PTPRD: variants seen among roughly 807,000 people sequenced by gnomAD.
PTPRD encodes receptor-type tyrosine-protein phosphatase delta.
In PTPRD, 34 loss-of-function variants were observed where a neutral mutation model predicts 214.5. The observed-to-expected ratio is 0.16, with a 90% confidence interval of 0.12 to 0.21. The LOEUF is 0.21. Among genes scored for constraint, PTPRD ranks in the 10% least tolerant of loss-of-function variants. The probability of loss-of-function intolerance (pLI) is 1.00; values close to 1 mark genes in which losing one functional copy is unlikely to be tolerated. For synonymous variants in PTPRD, 1,128 were observed against 845.7 expected, an observed-to-expected ratio of 1.33 and a Z score of -5.79; for missense variants, 2,545 against 2,398.7, an observed-to-expected ratio of 1.06 and a Z score of -1.27.
chr9:9,906,379 T>C (rs2077572958), intron 5 of PTPRD, among the ~76,000 whole-genome samples: 1 of 151,952 alleles, frequency 6.6e-6, no homozygotes, highest in African/African-American at 2.4e-5. Context: ...TCGTTGTCTT[T>C]ATTTTATATA....
Position 8,832,408 on chromosome 9 carries a change from A to ATTT in PTPRD, c.-103-98463_-103-98462insAAA, listed in dbSNP as rs1555402610. 4.7e-3 allele frequency among the ~76,000 whole-genome samples: 294 copies of ATTT among 62,926 alleles called. 10 individuals carry two copies. The highest frequency in any genetic ancestry group is 0.018 in the Middle Eastern group (2 of 114). 41.3% of individuals were successfully genotyped at this position (62,926 alleles called of 152,430 possible). A position where few individuals can be genotyped will look rare whatever the true frequency, so the allele number is the denominator to read the frequency against. Reference sequence around the variant, plus strand: ...TGTAAAGCAAGGGGCAGCTAAAATCATCTTTTTTTTTTTTTTTTTTTGTCA... The same window carrying ATTT: ...TGTAAAGCAAGGGGCAGCTAAAATCATTTTCTTTTTTTTTTTTTTTTTTTGTCA... On this transcript the variant is annotated intron_variant, in intron 11 of 45. Coordinates refer to ENST00000381196, the MANE Select transcript of PTPRD (RefSeq NM_002839.4).
intron 9 of PTPRD, among the ~76,000 whole-genome samples, chr9:9,338,453 T>A (rs996359731): frequency 6.6e-6 from 1 of 152,210 alleles, no homozygotes; most frequent in Non-Finnish European, 1.5e-5. Flanking sequence ...CAAGAAAGGC[T>A]TTAGGTTTTT....
At chr9:9,154,700 C>G (rs2099879728) in intron 10 of PTPRD, among the ~76,000 whole-genome samples, 1 of 152,168 alleles carries the variant, frequency 6.6e-6, no homozygotes, top group African/African-American at 2.4e-5. Context: ...TGTCCCAGCT[C>G]TTTGCATCTG....
At chr9:9,799,270 T>G (rs1169513087) in intron 5 of PTPRD, among the ~76,000 whole-genome samples, 1 of 152,090 alleles carries the variant, frequency 6.6e-6, no homozygotes, top group Non-Finnish European at 1.5e-5. Flanking sequence ...AACTTAAAAA[T>G]TAAAGATCTT....
chr9:9,700,507 A>G (rs547750313), intron 7 of PTPRD, among the ~76,000 whole-genome samples: 3 of 152,238 alleles, frequency 2.0e-5, no homozygotes, highest in South Asian at 4.1e-4. Flanking sequence ...ACTTGTTTTT[A>G]AAACATTATA....
At chr9:10,577,264 G>A (rs902928765) in intron 2 of PTPRD, among the ~76,000 whole-genome samples, 4 of 152,134 alleles carry the variant, frequency 2.6e-5, no homozygotes, top group African/African-American at 9.7e-5. Flanking sequence ...ATAAACTAAT[G>A]TGTCTTTTCT....
chr9:8,526,859 G>T (rs918360004), intron 16 of PTPRD, among the ~76,000 whole-genome samples: 16 of 152,078 alleles, frequency 1.1e-4, no homozygotes, highest in Admixed American at 3.3e-4. Context: ...AGAGGGTAAA[G>T]ACCGCAATAG....
At chr9:10,274,430 G>C (rs2076639829) in intron 3 of PTPRD, among the ~76,000 whole-genome samples, 1 of 152,118 alleles carries the variant, frequency 6.6e-6, no homozygotes, top group African/African-American at 2.4e-5. Flanking sequence ...TCTCCAAATA[G>C]TTTCCTGCAA....
intron 11 of PTPRD, among the ~76,000 whole-genome samples, chr9:8,892,005 C>T (rs1204552471): frequency 2.0e-5 from 3 of 152,224 alleles, no homozygotes; most frequent in South Asian, 2.1e-4. Flanking sequence ...TCTTCTTATT[C>T]GTTCACATAC....
chr9:9,146,395 C>T (rs2099868660), intron 10 of PTPRD, among the ~76,000 whole-genome samples: 1 of 151,888 alleles, frequency 6.6e-6, no homozygotes, highest in South Asian at 2.1e-4. Flanking sequence ...AAATTTGGGG[C>T]CCTAGACTTC....
chr9:9,934,002 C>A (rs917579606), intron 5 of PTPRD, among the ~76,000 whole-genome samples: 33 of 147,442 alleles, frequency 2.2e-4, no homozygotes, highest in Non-Finnish European at 4.1e-4. Flanking sequence ...GAAATGAAGG[C>A]AGAAATAAAG....
intron 9 of PTPRD, among the ~76,000 whole-genome samples, chr9:9,355,342 A>C (rs2053347855): frequency 6.6e-6 from 1 of 151,190 alleles, no homozygotes; most frequent in Admixed American, 6.6e-5. Flanking sequence ...GCTGAAATTT[A>C]GGCTACAGAT....
intron 8 of PTPRD, among the ~76,000 whole-genome samples, chr9:9,476,082 C>A (rs1008451563): frequency 7.9e-5 from 12 of 151,986 alleles, no homozygotes; most frequent in African/African-American, 2.9e-4. Context: ...GTTGAGAATC[C>A]AAAAATTCAT....
intron 9 of PTPRD, among the ~76,000 whole-genome samples, chr9:9,289,316 T>C (rs1284884121): frequency 6.6e-6 from 1 of 151,920 alleles, no homozygotes; most frequent in African/African-American, 2.4e-5. Context: ...TTATTTTATG[T>C]GTTAAGCACC....
chr9:8,330,506 C>T (rs1293800010), intron 44 of PTPRD, among the ~76,000 whole-genome samples: 3 of 152,136 alleles, frequency 2.0e-5, no homozygotes, highest in South Asian at 2.1e-4. Flanking sequence ...TATTTGATTC[C>T]ATGTGTCATT....
intron 9 of PTPRD, among the ~76,000 whole-genome samples, chr9:9,256,557 A>G (rs939814701): frequency 6.6e-5 from 10 of 151,980 alleles, no homozygotes; most frequent in Non-Finnish European, 1.5e-4. Flanking sequence ...TTTAAAGTGA[A>G]AATGACTTGC....
At chr9:10,502,564 T>C (rs184051756) in intron 2 of PTPRD, among the ~76,000 whole-genome samples, 1 of 152,168 alleles carries the variant, frequency 6.6e-6, no homozygotes, top group East Asian at 1.9e-4. Flanking sequence ...TAATATTTTT[T>C]TGCAAGCAAG....
At position 9,045,909 on chromosome 9, in the gene PTPRD, C is replaced by T. The variant is rs1048015271; in HGVS notation, c.-142-27174G>A. 3.3e-5 allele frequency among the ~76,000 whole-genome samples: 5 copies of T among 152,144 alleles called. No individual in the cohort carries two copies. In the South Asian group the frequency reaches 6.2e-4, roughly 19 times the overall value. ...AATGATTAGGCTTCCATCAATCATT[C>T]CTCTGCTGAACACTCTGCTGAGATC... On this transcript the variant is annotated intron_variant, in intron 10 of 45. Transcript: ENST00000381196.
At chr9:9,467,566 G>A (rs1489648812) in intron 8 of PTPRD, among the ~76,000 whole-genome samples, 38 of 109,428 alleles carry the variant, frequency 3.5e-4, no homozygotes, top group Admixed American at 1.3e-3. Context: ...CAGCCTGGGC[G>A]ACAGAGCGGG....
Sources: gnomAD v4.1 joint callset for allele counts (sites outside exome capture counted in the v4.1 genomes callset) on GRCh38, gnomAD v4.1.1 for gene constraint, MANE v1.5 for transcripts, NCBI Gene and HGNC (gene_info 2026-07-23, HGNC 2026-07-21) for gene names.